SUMF1: variants seen among roughly 807,000 people sequenced by gnomAD.
The protein encoded by SUMF1 is formylglycine-generating enzyme.
Under a neutral mutation model 47.6 loss-of-function variants are expected in SUMF1, and 48 were observed. That is an observed-to-expected ratio of 1.01 (90% CI 0.80 to 1.28). The LOEUF (loss-of-function observed/expected upper bound fraction) is 1.28. SUMF1 is among the 50% of genes most tolerant of loss of function. The pLI is 0.00. For synonymous variants in SUMF1, 230 were observed against 192.1 expected (o/e 1.20, Z -1.63); for missense variants, 571 against 485.4 (o/e 1.18, Z -1.66).
At chr3:4,463,017 A>C (rs1429181285) in intron 1 of SUMF1, among the ~76,000 whole-genome samples, 1 of 152,246 alleles carries the variant, frequency 6.6e-6, no homozygotes, top group Non-Finnish European at 1.5e-5. Context: ...TTCTTGAAAA[A>C]GTATGTGACC....
chr3:4,088,555 A>T (rs1035498690), intron 8 of SUMF1, among the ~76,000 whole-genome samples: 22 of 151,914 alleles, frequency 1.4e-4, no homozygotes, highest in Non-Finnish European at 2.9e-5. Context: ...TTTTGTCTAT[A>T]ATATTTATCA....
At chr3:4,382,542 C>T (rs1700539193) in intron 7 of SUMF1, among the ~76,000 whole-genome samples, 1 of 152,104 alleles carries the variant, frequency 6.6e-6, no homozygotes, top group African/African-American at 2.4e-5. Flanking sequence ...ACCAGAAATA[C>T]CATTTGACCC....
chr3:4,349,870 G>A (rs1235962325), intron 8 of SUMF1, among the ~76,000 whole-genome samples: 1 of 151,766 alleles, frequency 6.6e-6, no homozygotes, highest in East Asian at 1.9e-4. Flanking sequence ...TTGGAGGATG[G>A]GTCAATAGGC....
At chr3:4,096,555 T>G (rs78505201) in intron 8 of SUMF1, among the ~76,000 whole-genome samples, 1 of 152,236 alleles carries the variant, frequency 6.6e-6, no homozygotes, top group Non-Finnish European at 1.5e-5. Flanking sequence ...GCACAGCAGC[T>G]TCTCTGTATA....
At chr3:4,305,035 C>T (rs1039713126) in intron 8 of SUMF1, among the ~76,000 whole-genome samples, 5 of 152,054 alleles carry the variant, frequency 3.3e-5, no homozygotes, top group Non-Finnish European at 5.9e-5. Flanking sequence ...TTCTGGTTAA[C>T]AATTGGTTGA....
intron 9 of SUMF1, among the ~76,000 whole-genome samples, chr3:4,034,738 A>T (rs1299088265): frequency 6.6e-6 from 1 of 152,034 alleles, no homozygotes; most frequent in Non-Finnish European, 1.5e-5. Context: ...TTCACAGGCA[A>T]TTGATGAACT....
rs190348980 is a variant in SUMF1, at chr3:4,143,275, C to A, written c.1015-74530G>T. Among the ~76,000 whole-genome samples the A allele has an allele frequency of 2.6e-3, 397 of 152,212 alleles. 7 individuals are homozygous for A. The highest frequency in any genetic ancestry group is 9.2e-3 in the African/African-American group (382 of 41,518). On this transcript the variant is annotated intron_variant and NMD_transcript_variant, in intron 8 of 12. Transcript: ENST00000448413. Reference sequence around the variant, plus strand: ...GCTAAGTGCCAGATTCAAGAACAGACCAGTGCAGAAAAGTTGGTGCAAATT... The same window carrying A: ...GCTAAGTGCCAGATTCAAGAACAGAACAGTGCAGAAAAGTTGGTGCAAATT...
intron 6 of SUMF1, among the ~76,000 whole-genome samples, chr3:4,411,218 G>A (rs866038716): frequency 6.6e-6 from 1 of 152,120 alleles, no homozygotes; most frequent in Non-Finnish European, 1.5e-5. Context: ...ATGAAAGTCA[G>A]AGAAATTATT....
At chr3:4,239,455 A>C (rs1696487961) in intron 8 of SUMF1, among the ~76,000 whole-genome samples, 1 of 152,148 alleles carries the variant, frequency 6.6e-6, no homozygotes, top group Non-Finnish European at 1.5e-5. Context: ...TTTCTTGAGC[A>C]GTGGTTTGCA....
At chr3:4,168,119 C>T (rs889924386) in intron 8 of SUMF1, among the ~76,000 whole-genome samples, 1 of 152,146 alleles carries the variant, frequency 6.6e-6, no homozygotes, top group Non-Finnish European at 1.5e-5. Flanking sequence ...GTGTGGCACA[C>T]TATATCCCTT....
chr3:4,417,065 A>T, intron 6 of SUMF1, 63 bp downstream of exon 6: 2 of 1,477,536 alleles, frequency 1.4e-6, no homozygotes, highest in East Asian at 2.3e-5. Flanking sequence ...CTTTCACCCC[A>T]TGTCTACTGG....
chr3:4,238,184 G>A lies in SUMF1; in HGVS notation c.1014+138146C>T, dbSNP rs143138485. 9.8e-3 allele frequency among the ~76,000 whole-genome samples: 1,495 copies of A among 152,166 alleles called. 26 individuals carry two copies. The highest frequency in any genetic ancestry group is 0.034 in the African/African-American group (1,416 of 41,480). The stretch of plus-strand genomic sequence containing the variant: ...TTTCTTTATCCAGTCTATCATTGAT[G>A]GGCATTTGGGTGGGTTCCAAGTCTT... On this transcript the variant is annotated intron_variant and NMD_transcript_variant, in intron 8 of 12. Coordinates refer to the SUMF1 transcript ENST00000448413.
intron 8 of SUMF1, among the ~76,000 whole-genome samples, chr3:4,143,800 C>A (rs1279144113): frequency 6.6e-6 from 1 of 152,068 alleles, no homozygotes; most frequent in Non-Finnish European, 1.5e-5. Context: ...AATTGGGATT[C>A]ACAGAGCAGT....
chr3:4,275,821 G>C (rs962490356), intron 8 of SUMF1, among the ~76,000 whole-genome samples: 10 of 152,146 alleles, frequency 6.6e-5, no homozygotes, highest in Admixed American at 1.3e-4. Flanking sequence ...ACTTAGCCAA[G>C]CAACTATGGT....
At chr3:4,329,311 G>A (rs546968489) in intron 8 of SUMF1, among the ~76,000 whole-genome samples, 4 of 152,336 alleles carry the variant, frequency 2.6e-5, no homozygotes, top group South Asian at 4.1e-4. Context: ...CCTTATCAGA[G>A]GTTCTCCATG....
chr3:4,417,132 G>A lies in SUMF1; in HGVS notation c.836C>T (p.Ala279Val), dbSNP rs137852849. ...TGCAGAGGTCTCATTACTCACAGGC[G>A]CAGTTCCTTGGAAGCCATCCTCACC... ...NTGEDGFQGT[A>V]PVDAFPPNGY... Residue 279 changes from alanine (A) to valine (V), a missense_variant, in exon 6 of 9, where the codon GCG becomes GTG. Physicochemically the swap from Ala to Val is moderately conservative, Grantham distance 64. Coordinates refer to ENST00000272902, the MANE Select transcript of SUMF1 (RefSeq NM_182760.4). 283 of 1,613,690 alleles carry A rather than the reference G, an allele frequency of 1.8e-4. No homozygotes were observed. The highest frequency in any genetic ancestry group is 2.3e-4 in the African/African-American group (17 of 75,018).
intron 8 of SUMF1, among the ~76,000 whole-genome samples, chr3:4,203,133 T>C (rs966874762): frequency 1.3e-5 from 2 of 151,944 alleles, no homozygotes; most frequent in Non-Finnish European, 2.9e-5. Context: ...TTAAGTGTGA[T>C]AGTTCTTCTT....
intron 6 of SUMF1, chr3:4,414,747 T>C (rs1183535935): frequency 6.6e-6 from 1 of 152,222 alleles, no homozygotes; most frequent in Non-Finnish European, 1.5e-5. Flanking sequence ...CCTTATTTCA[T>C]ATTGAACATT....
Position 4,268,946 on chromosome 3 carries a change from T to C in SUMF1, c.1014+107384A>G, listed in dbSNP as rs188165044. On this transcript the variant is annotated intron_variant and NMD_transcript_variant, in intron 8 of 12. Transcript: ENST00000448413. ...TTCACTTAAGTTGCAAATCATAGCA[T>C]GCTCCGGTAGTATAAGGAAACTGTT... is the stretch of plus-strand genomic sequence containing the variant. Among the ~76,000 whole-genome samples, 9 of 152,250 alleles carry C rather than the reference T, an allele frequency of 5.9e-5. No homozygotes were observed. In the East Asian group the frequency reaches 1.7e-3, roughly 29 times the overall value.
Sources: gnomAD v4.1 joint callset for allele counts (sites outside exome capture counted in the v4.1 genomes callset) on GRCh38, gnomAD v4.1.1 for gene constraint, MANE v1.5 for transcripts, NCBI Gene and HGNC (gene_info 2026-07-23, HGNC 2026-07-21) for gene names.